Variants in GPCPD1 observed in about 807,000 individuals in gnomAD.
GPCPD1 encodes the protein glycerophosphocholine phosphodiesterase GPCPD1.
A neutral mutation model predicts 89.2 loss-of-function variants in GPCPD1; 29 were observed. That is an observed-to-expected ratio of 0.33 (90% CI 0.24 to 0.44). The LOEUF (loss-of-function observed/expected upper bound fraction) is 0.44, where lower values mean the gene tolerates loss of function less well. GPCPD1 is among the 20% of genes least tolerant of loss of function. GPCPD1 has a pLI of 1.00. For missense variants in GPCPD1, 594 were observed against 808.9 expected (o/e 0.73, Z 3.22); for synonymous variants, 258 against 266.3 (o/e 0.97, Z 0.30).
At chr20:5,557,777 T>G (rs1009019117) in intron 19 of GPCPD1, among the ~76,000 whole-genome samples, 168 bp downstream of exon 19, 1 of 152,212 alleles carries the variant, frequency 6.6e-6, no homozygotes, top group Admixed American at 6.5e-5. Flanking sequence ...GCTTCCCAAG[T>G]GATTCTGCTA....
intron 3 of GPCPD1, 100 bp from the exon 4 acceptor site, chr20:5,593,511 A>T: frequency 1.4e-6 from 1 of 691,132 alleles, no homozygotes; most frequent in Non-Finnish European, 2.6e-6. Flanking sequence ...CGTATGACCA[A>T]TATCACTTAT....
chr20:5,608,281 G>C (rs1237357594), intron 1 of GPCPD1, among the ~76,000 whole-genome samples: 2 of 152,098 alleles, frequency 1.3e-5, no homozygotes, highest in African/African-American at 2.4e-5. Context: ...ACTATACAAA[G>C]CTATATACAC....
intron 4 of GPCPD1, among the ~76,000 whole-genome samples, chr20:5,591,349 C>G (rs1979315599): frequency 6.6e-6 from 1 of 152,122 alleles, no homozygotes; most frequent in East Asian, 1.9e-4. Context: ...TTCATTTACT[C>G]AATAAAATTT....
At chr20:5,582,409 A>G (rs1424017317) in intron 6 of GPCPD1, among the ~76,000 whole-genome samples, 1 of 152,132 alleles carries the variant, frequency 6.6e-6, no homozygotes, top group Admixed American at 6.5e-5. Flanking sequence ...GAGCATGTTC[A>G]TTTCTACCAT....
At chr20:5,584,229 G>C in intron 6 of GPCPD1, 52 bp downstream of exon 6, 1 of 848,502 alleles carries the variant, frequency 1.2e-6, no homozygotes, top group Non-Finnish European at 2.0e-6. Flanking sequence ...GAAATGTAAA[G>C]TAACAATCTC....
chr20:5,590,159 A>G (rs1411198043), intron 4 of GPCPD1, among the ~76,000 whole-genome samples: 2 of 152,200 alleles, frequency 1.3e-5, no homozygotes, highest in African/African-American at 4.8e-5. Flanking sequence ...ATGTAATATC[A>G]CTGCTTGCAT....
At chr20:5,582,135 G>A (rs1237203958) in intron 6 of GPCPD1, among the ~76,000 whole-genome samples, 2 of 125,914 alleles carry the variant, frequency 1.6e-5, no homozygotes, top group African/African-American at 3.1e-5. Context: ...GCAGTGAGCC[G>A]AGATCGCGCC....
At chr20:5,552,979 T>C (rs950427082) in intron 19 of GPCPD1, among the ~76,000 whole-genome samples, 3 of 152,224 alleles carry the variant, frequency 2.0e-5, no homozygotes, top group Admixed American at 1.3e-4. Flanking sequence ...CGTCTTTTTT[T>C]AAATTTCTTA....
chr20:5,554,199 T>A (rs998755620), intron 19 of GPCPD1, among the ~76,000 whole-genome samples: 1 of 142,624 alleles, frequency 7.0e-6, no homozygotes, highest in African/African-American at 2.7e-5. Flanking sequence ...TTAGCCAGGA[T>A]GGTCTCCATC....
At chr20:5,555,118 A>G (rs1259070913) in intron 19 of GPCPD1, among the ~76,000 whole-genome samples, 1 of 152,216 alleles carries the variant, frequency 6.6e-6, no homozygotes, top group Non-Finnish European at 1.5e-5. Flanking sequence ...GTTTTTTGAG[A>G]CAAATCCACC....
rs370640048 is a variant in GPCPD1, at chr20:5,604,616, G to GGT, written c.-28-177_-28-176insAC. On this transcript the variant is annotated intron_variant, in intron 1 of 19. Transcript: ENST00000379019. ...GTTTTAAAGTAACTTTAGTGCGGGG[G>GGT]GGGGGGGGCGGGAAAGAAACAAGTG... 4.5e-5 allele frequency among the ~76,000 whole-genome samples: 3 copies of GGT among 66,712 alleles called. 1 individual carries two copies. Among genetic ancestry groups the GGT allele is most frequent in the East Asian group, 5.4e-4 (1 of 1,866 alleles). 43.8% of individuals were successfully genotyped at this position (66,712 alleles called of 152,430 possible). A position where few individuals can be genotyped will look rare whatever the true frequency, so the allele number is the denominator to read the frequency against.
At chr20:5,582,178 TC>T (rs1978563977) in intron 6 of GPCPD1, among the ~76,000 whole-genome samples, 1 of 83,896 alleles carries the variant, frequency 1.2e-5, no homozygotes, top group Non-Finnish European at 2.0e-5. Context: ...AGAGCGAGAC[TC>T]CCGTCTCAAA....
intron 1 of GPCPD1, among the ~76,000 whole-genome samples, chr20:5,609,848 GAA>G (rs11481644): frequency 5.9e-5 from 8 of 136,622 alleles, no homozygotes; most frequent in African/African-American, 1.9e-4. Context: ...TAGGAATTTT[GAA>G]AAAAAAAAAA....
chr20:5,547,776 G>A lies in GPCPD1; in HGVS notation c.1904C>T (p.Pro635Leu). The change falls in exon 20 of 20, where the codon CCA (proline) becomes CTA (leucine). Residue 635 changes from proline (P) to leucine (L), a missense_variant. Transcript: ENST00000379019. ...GGGACACAAACAGCTCTTAAGCTCTGGCAATTCCTGCTTCAGGCGTTCCAA... is the reference window on the plus strand; with the variant it reads ...GGGACACAAACAGCTCTTAAGCTCTAGCAATTCCTGCTTCAGGCGTTCCAA... The part of the protein sequence containing the change: ...EQLERLKQEL[P>L]ELKSCLCPTV... The A allele has an allele frequency of 6.2e-7, 1 of 1,610,364 alleles. No individual in the cohort carries two copies. Among genetic ancestry groups the A allele is most frequent in the African/African-American group, 1.3e-5 (1 of 74,952 alleles).
intron 1 of GPCPD1, among the ~76,000 whole-genome samples, chr20:5,606,959 T>C (rs553993651): frequency 1.3e-5 from 2 of 152,336 alleles, no homozygotes; most frequent in African/African-American, 2.4e-5. Context: ...AACTCTACCA[T>C]TTTGGTTAGA....
At chr20:5,598,066 AT>A (rs1979856118) in intron 3 of GPCPD1, among the ~76,000 whole-genome samples, 1 of 152,156 alleles carries the variant, frequency 6.6e-6, no homozygotes, top group Admixed American at 6.5e-5. Context: ...GACCAGACAA[AT>A]GTTAATGCCT....
At chr20:5,595,444 C>T (rs1308493765) in intron 3 of GPCPD1, among the ~76,000 whole-genome samples, 2 of 151,998 alleles carry the variant, frequency 1.3e-5, no homozygotes, top group Non-Finnish European at 2.9e-5. Context: ...AGTTCAAGAC[C>T]AGCCTGACCA....
At chr20:5,555,160 A>T (rs557760833) in intron 19 of GPCPD1, among the ~76,000 whole-genome samples, 16 of 152,360 alleles carry the variant, frequency 1.1e-4, no homozygotes, top group African/African-American at 3.8e-4. Flanking sequence ...TGTTTAAATG[A>T]CAACAAGAGA....
intron 3 of GPCPD1, among the ~76,000 whole-genome samples, chr20:5,594,616 C>CT (rs1979581200): frequency 2.0e-5 from 3 of 152,276 alleles, no homozygotes; most frequent in Middle Eastern, 3.4e-3. Flanking sequence ...TTTATAAACA[C>CT]TTTGAGAACC....
Sources: allele counts gnomAD v4.1 joint callset (sites outside exome capture counted in the v4.1 genomes callset), GRCh38; gene constraint gnomAD v4.1.1; transcripts MANE v1.5; gene names NCBI Gene and HGNC (gene_info 2026-07-23, HGNC 2026-07-21).